Variants in DPP10 observed in about 807,000 individuals in gnomAD.
The protein encoded by DPP10 is dipeptidyl peptidase like 10, also known as inactive dipeptidyl peptidase 10.
Under a neutral mutation model 120.9 loss-of-function variants are expected in DPP10, and 33 were observed. That is an observed-to-expected ratio of 0.27 (90% CI 0.21 to 0.37). DPP10 has a LOEUF of 0.37. Ranked by LOEUF, DPP10 falls within the 10% of genes least tolerant of loss-of-function variation. The pLI, the probability that DPP10 is intolerant of heterozygous loss-of-function variation, is 1.00. For missense variants in DPP10, 816 were observed against 942.8 expected (o/e 0.87, Z 1.76); for synonymous variants, 337 against 326.1 (o/e 1.03, Z -0.36).
intron 1 of DPP10, among the ~76,000 whole-genome samples, chr2:114,758,061 G>A (rs1024909757): frequency 1.2e-4 from 18 of 152,106 alleles, no homozygotes; most frequent in African/African-American, 2.9e-4. Flanking sequence ...CAGAGTTCCC[G>A]TGGTTCTCCA....
At chr2:115,610,477 C>T (rs1292605743) in intron 5 of DPP10, among the ~76,000 whole-genome samples, 1 of 103,436 alleles carries the variant, frequency 9.7e-6, no homozygotes, top group East Asian at 2.7e-4. Context: ...GGCTATGTAC[C>T]ACAAGCAGTA....
intron 5 of DPP10, among the ~76,000 whole-genome samples, chr2:115,533,302 G>A (rs2078587136): frequency 6.6e-6 from 1 of 152,052 alleles, no homozygotes; most frequent in Non-Finnish European, 1.5e-5. Context: ...GTGTCTACTA[G>A]AGGGAACAAA....
chr2:115,199,136 T>C (rs1003602629), intron 1 of DPP10, among the ~76,000 whole-genome samples: 2 of 152,168 alleles, frequency 1.3e-5, no homozygotes, highest in African/African-American at 4.8e-5. Context: ...CATTAACAAA[T>C]GTTATTAATT....
At chr2:115,518,526 A>T (rs536407636) in intron 4 of DPP10, among the ~76,000 whole-genome samples, 2 of 152,226 alleles carry the variant, frequency 1.3e-5, no homozygotes, top group African/African-American at 4.8e-5. Context: ...AATATTGGAC[A>T]TTATAGTTTC....
intron 1 of DPP10, among the ~76,000 whole-genome samples, chr2:115,252,640 T>G (rs2105681902): frequency 6.6e-6 from 1 of 152,360 alleles, no homozygotes; most frequent in South Asian, 2.1e-4. Context: ...ATGGGTTTGG[T>G]GTTCACTGGA....
chr2:115,186,090 T>C (rs192333128), intron 1 of DPP10, among the ~76,000 whole-genome samples: 152 of 152,346 alleles, frequency 1.0e-3, no homozygotes, highest in African/African-American at 3.4e-3. Flanking sequence ...GTTGACTTCA[T>C]GTCTAACCCT....
At chr2:115,346,212 G>A (rs2063704267) in intron 3 of DPP10, among the ~76,000 whole-genome samples, 1 of 152,174 alleles carries the variant, frequency 6.6e-6, no homozygotes, top group Admixed American at 6.5e-5. Context: ...GGAAATATAT[G>A]AGTAGGATGT....
At chr2:115,324,566 A>C (rs1287093750) in intron 2 of DPP10, among the ~76,000 whole-genome samples, 1 of 152,084 alleles carries the variant, frequency 6.6e-6, no homozygotes, top group Non-Finnish European at 1.5e-5. Context: ...TTAGGACCTT[A>C]CTCTAGATTA....
At chr2:114,495,029 T>C (rs575313684) in intron 1 of DPP10, among the ~76,000 whole-genome samples, 1 of 152,212 alleles carries the variant, frequency 6.6e-6, no homozygotes, top group Admixed American at 6.5e-5. Flanking sequence ...AAAATCTGTC[T>C]AAGTAAATGG....
At chr2:114,831,022 ATTTTTTTTTTTTTTTTTTT>A (rs70941010) in intron 1 of DPP10, among the ~76,000 whole-genome samples, 72 of 45,982 alleles carry the variant, frequency 1.6e-3, no homozygotes, top group Middle Eastern at 0.019. Context: ...CCATGCAAAG[ATTTTTTTTTTTTTTTTTTT>A]TTTTTTTTTT....
At position 114,854,259 on chromosome 2, in the gene DPP10, G is replaced by A. The variant is rs13401032; in HGVS notation, c.60+411421G>A. Among the ~76,000 whole-genome samples the A allele has an allele frequency of 4.3e-3, 655 of 152,206 alleles. 2 individuals are homozygous for A. The highest frequency in any genetic ancestry group is 0.015 in the African/African-American group (604 of 41,514). On this transcript the variant is annotated intron_variant, in intron 1 of 25. Coordinates refer to ENST00000410059, the MANE Select transcript of DPP10 (RefSeq NM_020868.6). The stretch of plus-strand genomic sequence containing the variant: ...TAAAGCATTAGAAAAGTTTTAATAC[G>A]TAGTGAGTTGTCAATAATGTTAGAT...
At chr2:115,014,009 A>T (rs1258834538) in intron 1 of DPP10, among the ~76,000 whole-genome samples, 2 of 152,236 alleles carry the variant, frequency 1.3e-5, no homozygotes, top group Non-Finnish European at 2.9e-5. Flanking sequence ...AGACATCTAC[A>T]GAACTCTCTA....
At chr2:115,551,326 T>C (rs1421117227) in intron 5 of DPP10, among the ~76,000 whole-genome samples, 2 of 152,130 alleles carry the variant, frequency 1.3e-5, no homozygotes. Context: ...ATTGCTCTTG[T>C]GGGCTTGGCT....
intron 1 of DPP10, among the ~76,000 whole-genome samples, chr2:114,863,750 A>G (rs1690008655): frequency 1.3e-5 from 2 of 152,366 alleles, no homozygotes; most frequent in Non-Finnish European, 2.9e-5. Flanking sequence ...CTGCATTTCC[A>G]TCTATTTGTT....
chr2:115,302,572 G>T (rs2061188500), intron 1 of DPP10, among the ~76,000 whole-genome samples: 2 of 151,590 alleles, frequency 1.3e-5, no homozygotes, highest in South Asian at 4.2e-4. Context: ...AGCCATGATT[G>T]TGCCAGAGCA....
chr2:115,611,755 T>C (rs570949448), intron 5 of DPP10, among the ~76,000 whole-genome samples: 1 of 152,240 alleles, frequency 6.6e-6, no homozygotes, highest in South Asian at 2.1e-4. Flanking sequence ...AGAAGCTCTG[T>C]GTTAGCCTAC....
At chr2:115,575,145 T>C (rs774724565) in intron 5 of DPP10, among the ~76,000 whole-genome samples, 3 of 152,192 alleles carry the variant, frequency 2.0e-5, no homozygotes, top group Non-Finnish European at 4.4e-5. Context: ...AAAGGTAAGA[T>C]TGATACCAAC....
At chr2:115,062,634 C>A (rs866429724) in intron 1 of DPP10, among the ~76,000 whole-genome samples, 1 of 152,144 alleles carries the variant, frequency 6.6e-6, no homozygotes, top group Non-Finnish European at 1.5e-5. Context: ...AGTGAGAACA[C>A]GCAGTGTTTG....
At chr2:114,483,758 C>T (rs1681267466) in intron 1 of DPP10, among the ~76,000 whole-genome samples, 1 of 152,100 alleles carries the variant, frequency 6.6e-6, no homozygotes, top group Non-Finnish European at 1.5e-5. Flanking sequence ...CTCGCTCAGG[C>T]CTTGTTAACC....
Sources: allele counts gnomAD v4.1 joint callset (sites outside exome capture counted in the v4.1 genomes callset), GRCh38; gene constraint gnomAD v4.1.1; transcripts MANE v1.5; gene names NCBI Gene and HGNC (gene_info 2026-07-23, HGNC 2026-07-21).